RIC1: variants seen among roughly 807,000 people sequenced by gnomAD.
The protein encoded by RIC1 is RIC1 partner of RAB6A GEF complex, also known as guanine nucleotide exchange factor subunit RIC1.
Under a neutral mutation model 169.0 loss-of-function variants are expected in RIC1, and 88 were observed. The observed-to-expected ratio is 0.52, with a 90% CI of 0.44 to 0.62. The LOEUF is 0.62. RIC1 is among the 20% of genes least tolerant of loss of function. The probability of loss-of-function intolerance (pLI) is 0.00; values close to 1 mark genes in which losing one functional copy is unlikely to be tolerated. For synonymous variants in RIC1, 790 were observed against 601.5 expected (o/e 1.31, Z -4.59); for missense variants, 1,877 against 1,725.5 (o/e 1.09, Z -1.56).
At chr9:5,756,039 G>C (rs771140415) in intron 15 of RIC1, among the ~76,000 whole-genome samples, 173 bp from the exon 16 acceptor site, 2 of 150,588 alleles carry the variant, frequency 1.3e-5, no homozygotes, top group Non-Finnish European at 1.5e-5. Context: ...AGCCTAGTCT[G>C]CAAAAATATG....
At chr9:5,674,859 T>C (rs1050281927) in intron 2 of RIC1, among the ~76,000 whole-genome samples, 22 of 152,216 alleles carry the variant, frequency 1.4e-4, no homozygotes, top group African/African-American at 5.3e-4. Context: ...GTTTTTTTGT[T>C]CCGGGCATAT....
intron 7 of RIC1, among the ~76,000 whole-genome samples, chr9:5,733,441 A>AT (rs1423091785): frequency 1.3e-5 from 2 of 151,056 alleles, no homozygotes; most frequent in Admixed American, 6.6e-5. Flanking sequence ...TTTTTTTTGT[A>AT]TTTTTTTAGT....
intron 6 of RIC1, among the ~76,000 whole-genome samples, chr9:5,723,329 G>C (rs540896177): frequency 6.6e-6 from 1 of 152,254 alleles, no homozygotes; most frequent in African/African-American, 2.4e-5. Context: ...ATTTTTTCAT[G>C]TGTCTGTTGG....
intron 1 of RIC1, among the ~76,000 whole-genome samples, chr9:5,650,424 C>G (rs1280259052): frequency 6.6e-6 from 1 of 151,948 alleles, no homozygotes; most frequent in East Asian, 1.9e-4. Context: ...CTTCAGGCCC[C>G]CTGGTAGAGT....
At chr9:5,630,166 G>A (rs7025143) in intron 1 of RIC1, among the ~76,000 whole-genome samples, 7,509 of 152,250 alleles carry the variant, frequency 0.049, 289 homozygotes, top group Non-Finnish European at 0.081. Flanking sequence ...GCATGGAACT[G>A]AATTCTGTTT....
chr9:5,655,162 A>C (rs1298674011), intron 1 of RIC1, among the ~76,000 whole-genome samples: 1 of 152,130 alleles, frequency 6.6e-6, no homozygotes, highest in Non-Finnish European at 1.5e-5. Context: ...CTTGTTCCTG[A>C]TCTTAGCAGG....
At chr9:5,697,531 A>G (rs1232438929) in intron 3 of RIC1, among the ~76,000 whole-genome samples, 1 of 152,190 alleles carries the variant, frequency 6.6e-6, no homozygotes, top group Non-Finnish European at 1.5e-5. Context: ...ACTGGAGTAT[A>G]TTTAAGCACA....
chr9:5,708,576 T>C (rs774614007), intron 3 of RIC1, among the ~76,000 whole-genome samples: 3 of 152,152 alleles, frequency 2.0e-5, no homozygotes, highest in Non-Finnish European at 4.4e-5. Context: ...GTCATCCCAC[T>C]GTTCTCTGGC....
chr9:5,753,408 G>C (rs941534835), intron 13 of RIC1, 128 bp from the exon 14 acceptor site: 4 of 805,998 alleles, frequency 5.0e-6, no homozygotes, highest in African/African-American at 1.7e-5. Context: ...CTGAATATTT[G>C]GACTTTAAAA....
rs1276781969 is a variant in RIC1, at chr9:5,773,073, A to G, written c.3976A>G (p.Thr1326Ala). 6.2e-7 allele frequency: 1 copy of G among 1,604,374 alleles called. No individual in the cohort carries two copies. Among genetic ancestry groups the G allele is most frequent in the Non-Finnish European group, 8.5e-7 (1 of 1,175,234 alleles). The change falls in exon 25 of 26, where the codon ACA becomes GCA. Residue 1326 changes from threonine to alanine, a missense_variant. Physicochemically the swap from Thr to Ala is moderately conservative, Grantham distance 58. Transcript: ENST00000414202. ...GLHAVDRWAS[T>A]DCPGYKPFLN... Reference sequence around the variant, plus strand: ...CCATGCAGTGGACCGATGGGCCTCTACAGACTGGTAAGTGCTGCTTTCCTT... The same window carrying G: ...CCATGCAGTGGACCGATGGGCCTCTGCAGACTGGTAAGTGCTGCTTTCCTT...
At chr9:5,662,198 A>T (rs1380753887) in intron 2 of RIC1, among the ~76,000 whole-genome samples, 1 of 152,184 alleles carries the variant, frequency 6.6e-6, no homozygotes, top group African/African-American at 2.4e-5. Flanking sequence ...GACATGATGG[A>T]TAAACTTTTT....
At chr9:5,699,986 C>G (rs969512969) in intron 3 of RIC1, among the ~76,000 whole-genome samples, 1 of 151,018 alleles carries the variant, frequency 6.6e-6, no homozygotes, top group African/African-American at 2.4e-5. Flanking sequence ...ACAATTGATC[C>G]GAAACTGCAT....
intron 8 of RIC1, among the ~76,000 whole-genome samples, chr9:5,741,735 T>C (rs1563942044): frequency 6.6e-6 from 1 of 152,218 alleles, no homozygotes; most frequent in South Asian, 2.1e-4. Context: ...TTATATTCTG[T>C]GTCTGTTAAT....
At chr9:5,711,901 G>A (rs1406102312) in intron 3 of RIC1, among the ~76,000 whole-genome samples, 2 of 152,146 alleles carry the variant, frequency 1.3e-5, no homozygotes, top group Non-Finnish European at 2.9e-5. Context: ...CAAAGGACAT[G>A]AACTCATCCT....
intron 1 of RIC1, among the ~76,000 whole-genome samples, chr9:5,631,184 C>T (rs1253409444): frequency 6.6e-6 from 1 of 152,268 alleles, no homozygotes; most frequent in Non-Finnish European, 1.5e-5. Flanking sequence ...GAGTTACATA[C>T]GACATCTAGA....
intron 12 of RIC1, among the ~76,000 whole-genome samples, chr9:5,750,559 T>C (rs1274518198): frequency 6.6e-6 from 1 of 151,952 alleles, no homozygotes; most frequent in Non-Finnish European, 1.5e-5. Context: ...TCACTAGTTA[T>C]AGACAAAACT....
intron 1 of RIC1, among the ~76,000 whole-genome samples, chr9:5,643,468 A>G (rs1818349186): frequency 6.6e-6 from 1 of 152,160 alleles, no homozygotes; most frequent in Non-Finnish European, 1.5e-5. Context: ...TGATTGCACT[A>G]TGGCAACCCA....
At chr9:5,643,094 G>T (rs545925663) in intron 1 of RIC1, among the ~76,000 whole-genome samples, 2 of 152,036 alleles carry the variant, frequency 1.3e-5, no homozygotes, top group African/African-American at 4.8e-5. Flanking sequence ...GAGCCCAGGA[G>T]TTCAAGACCA....
chr9:5,703,191 C>T (rs1822344425), intron 3 of RIC1, among the ~76,000 whole-genome samples: 1 of 152,136 alleles, frequency 6.6e-6, no homozygotes, highest in Non-Finnish European at 1.5e-5. Context: ...AAATCAAAAA[C>T]AAGTTAATAA....
Sources: gnomAD v4.1 joint callset for allele counts (sites outside exome capture counted in the v4.1 genomes callset) on GRCh38, gnomAD v4.1.1 for gene constraint, MANE v1.5 for transcripts, NCBI Gene and HGNC (gene_info 2026-07-23, HGNC 2026-07-21) for gene names.